Variants in ACOX3 observed in about 807,000 individuals in gnomAD.
The protein encoded by ACOX3 is acyl-CoA oxidase 3, pristanoyl, also known as peroxisomal acyl-coenzyme A oxidase 3.
In ACOX3, 73 loss-of-function variants were observed where a neutral mutation model predicts 81.5. The observed-to-expected ratio is 0.90, with a 90% CI of 0.74 to 1.09. The LOEUF (loss-of-function observed/expected upper bound fraction) is 1.09. Ranked by LOEUF, ACOX3 falls within the 50% of genes least tolerant of loss-of-function variation. The pLI is 0.00. For missense variants in ACOX3, 947 were observed against 928.0 expected, an observed-to-expected ratio of 1.02 and a Z score of -0.27; for synonymous variants, 387 against 375.1, an observed-to-expected ratio of 1.03 and a Z score of -0.37.
rs149218868 is a variant in ACOX3 at position 8,394,736 on chromosome 4, G to A, written c.1063C>T (p.Arg355Cys). The change falls in exon 10 of 18, where the codon CGC (arginine) becomes TGC (cysteine). Residue 355 changes from arginine to cysteine, a missense_variant. By Grantham distance (180) the Arg-to-Cys change is radical (BLOSUM62 -3). Coordinates refer to ENST00000356406, the MANE Select transcript of ACOX3 (RefSeq NM_003501.3). This position sits in a 1 kb window ranked among gnomAD's most constrained non-coding sequence, Gnocchi z 5.9. Reference sequence around the variant, plus strand: ...ACAGCTGCCAGATATGGAAGCAAGCGCCATTGCTAGAACAGACAAGACACC... The same window carrying A: ...ACAGCTGCCAGATATGGAAGCAAGCACCATTGCTAGAACAGACAAGACACC... ...PVLEYPMQQWRLLPYLAAVYA... is the reference protein window; with the variant it reads ...PVLEYPMQQWCLLPYLAAVYA... 1.7e-5 allele frequency: 27 copies of A among 1,612,862 alleles called. No individual in the cohort carries two copies. Among genetic ancestry groups the A allele is most frequent in the African/African-American group, 9.3e-5 (7 of 74,898 alleles).
At position 8,416,288 on chromosome 4, in the gene ACOX3, A is replaced by C; in HGVS notation, c.144+90T>G. On this transcript the variant is annotated intron_variant, in intron 2 of 17. Coordinates refer to ENST00000356406, the MANE Select transcript of ACOX3 (RefSeq NM_003501.3). This position sits in a 1 kb window ranked among gnomAD's most constrained non-coding sequence, Gnocchi z 4.2. ...TGGGATGAGCCTCGCCCGGCAGAGG[A>C]GGAGCTGTGAGAGCCAGAAATCCCA... 1 of 1,604,698 alleles carries C rather than the reference A, an allele frequency of 6.2e-7. No homozygotes were observed. The highest frequency in any genetic ancestry group is 8.5e-7 in the Non-Finnish European group (1 of 1,174,128).
At chr4:8,387,918 G>A (rs865846998) in intron 13 of ACOX3, among the ~76,000 whole-genome samples, 5 of 152,290 alleles carry the variant, frequency 3.3e-5, no homozygotes, top group Admixed American at 6.5e-5. Flanking sequence ...TGTCCCAGCC[G>A]CCTCTCACCT....
At chr4:8,429,823 TC>T (rs1233450855) in intron 1 of ACOX3, among the ~76,000 whole-genome samples, 1 of 151,896 alleles carries the variant, frequency 6.6e-6, no homozygotes, top group Non-Finnish European at 1.5e-5. Context: ...TCATCTGCAG[TC>T]CCAACTACTC....
At position 8,399,769 on chromosome 4, in the gene ACOX3, G is replaced by A; in HGVS notation, c.777-117C>T. 1 of 862,222 alleles carries A rather than the reference G, an allele frequency of 1.2e-6. No individual in the cohort carries two copies. The highest frequency in any genetic ancestry group is 1.7e-5 in the African/African-American group (1 of 59,080). 53.4% of individuals were successfully genotyped at this position (862,222 alleles called of 1,614,324 possible). On this transcript the variant is annotated intron_variant, in intron 7 of 17. Transcript: ENST00000356406. This position sits in a 1 kb window ranked among gnomAD's most constrained non-coding sequence, Gnocchi z 4.9. Reference sequence around the variant, plus strand: ...CCGAGGACAAAGAAAATGGCAGAGGGCAAGTAGACAGGAACATTCAACCAA... The same window carrying A: ...CCGAGGACAAAGAAAATGGCAGAGGACAAGTAGACAGGAACATTCAACCAA...
intron 14 of ACOX3, among the ~76,000 whole-genome samples, chr4:8,377,117 C>T (rs1031952426): frequency 6.6e-6 from 1 of 152,162 alleles, no homozygotes; most frequent in African/African-American, 2.4e-5. Context: ...CTGCCCACAC[C>T]CCAAAACGTG....
intron 13 of ACOX3, among the ~76,000 whole-genome samples, chr4:8,383,512 T>C (rs982566528): frequency 2.0e-5 from 3 of 152,156 alleles, no homozygotes. Context: ...GCTGGCATGA[T>C]GCACCCACAG....
At chr4:8,422,017 C>T (rs2688230) in intron 1 of ACOX3, among the ~76,000 whole-genome samples, 51,865 of 152,088 alleles carry the variant, frequency 0.34, 9,607 homozygotes, top group South Asian at 0.46. Flanking sequence ...AGGAAGAAAG[C>T]GAATTGAGTA....
intron 13 of ACOX3, among the ~76,000 whole-genome samples, chr4:8,387,883 G>A (rs1225013932): frequency 1.3e-5 from 2 of 152,214 alleles, no homozygotes; most frequent in Non-Finnish European, 2.9e-5. Context: ...CTTCTGTGTG[G>A]GGGCGCAGGG....
rs1301212167 is a variant in ACOX3, at chr4:8,399,302, G to A, written c.873+254C>T. On this transcript the variant is annotated intron_variant, in intron 8 of 17. Coordinates refer to ENST00000356406, the MANE Select transcript of ACOX3 (RefSeq NM_003501.3). This position sits in a 1 kb window ranked among gnomAD's most constrained non-coding sequence, Gnocchi z 4.9. ...ACTGGAAGCGAGCAGTCCTCTAATC[G>A]CAGCCCCCGATGGGGAGTGGGCATT... Among the ~76,000 whole-genome samples, 1 of 152,154 alleles carries A rather than the reference G, an allele frequency of 6.6e-6. No homozygotes were observed. Among genetic ancestry groups the A allele is most frequent in the Non-Finnish European group, 1.5e-5 (1 of 68,020 alleles).
In ACOX3 at chr4:8,389,882, A is replaced by C. The variant is rs1260634792; in HGVS notation, c.1301-148T>G. The C allele has an allele frequency of 3.8e-6, 4 of 1,041,646 alleles. No homozygotes were observed. The Admixed American group carries it at 6.9e-5, about 18-fold the overall frequency. 64.5% of individuals were successfully genotyped at this position (1,041,646 alleles called of 1,614,324 possible). The stretch of plus-strand genomic sequence containing the variant: ...CACTTTGGGGGGCCGAGGCGGGTGG[A>C]TCACTTGAAGCCAGGTGTTCAAGAC... On this transcript the variant is annotated intron_variant, in intron 11 of 17. Transcript: ENST00000356406. This position sits in a 1 kb window ranked among gnomAD's most constrained non-coding sequence, Gnocchi z 5.3.
intron 10 of ACOX3, among the ~76,000 whole-genome samples, chr4:8,393,897 C>T (rs1164849354): frequency 1.3e-5 from 2 of 152,352 alleles, no homozygotes; most frequent in East Asian, 3.9e-4. Flanking sequence ...GCGCTCCCTC[C>T]TCAGGCCTCC....
Position 8,400,994 on chromosome 4 carries a change from C to A in ACOX3, c.777-1342G>T, listed in dbSNP as rs920149192. ...GCTTGTTTTCCTGCAACTAGATGGTCCCATCTGGGGGTGATGGGAGGCAGT... is the reference window on the plus strand; with the variant it reads ...GCTTGTTTTCCTGCAACTAGATGGTACCATCTGGGGGTGATGGGAGGCAGT... On this transcript the variant is annotated intron_variant, in intron 7 of 17. Coordinates refer to ENST00000356406, the MANE Select transcript of ACOX3 (RefSeq NM_003501.3). This position sits in a 1 kb window ranked among gnomAD's most constrained non-coding sequence, Gnocchi z 4.4. Among the ~76,000 whole-genome samples, 2 of 151,860 alleles carry A rather than the reference C, an allele frequency of 1.3e-5. No individual in the cohort carries two copies. Among genetic ancestry groups the A allele is most frequent in the East Asian group, 3.9e-4 (2 of 5,194 alleles).
Position 8,371,784 on chromosome 4 carries a change from G to C in ACOX3, c.1897-790C>G, listed in dbSNP as rs549812180. Among the ~76,000 whole-genome samples the C allele has an allele frequency of 2.1e-3, 318 of 152,392 alleles. 1 individual carries two copies. The highest frequency in any genetic ancestry group is 3.4e-3 in the Middle Eastern group (1 of 294). On this transcript the variant is annotated intron_variant, in intron 16 of 17. Coordinates refer to ENST00000356406, the MANE Select transcript of ACOX3 (RefSeq NM_003501.3). ...CAAATGCCACTGCTCCCGGAGAGAA[G>C]CTCTCGGCAGAGCACAGGCGCTGAG...
At chr4:8,413,180 C>G (rs1721938253) in intron 5 of ACOX3, among the ~76,000 whole-genome samples, 1 of 141,142 alleles carries the variant, frequency 7.1e-6, no homozygotes, top group Non-Finnish European at 1.5e-5. Flanking sequence ...TGTGGCCCAT[C>G]TCCCTCCACC....
At chr4:8,357,579 T>C in the ACOX3 span, 131 of 273,760 alleles carry the variant, frequency 4.8e-4, no homozygotes, top group Admixed American at 8.6e-4. Context: ...TGAACATTTT[T>C]ATTCCAATTA....
Position 8,414,507 on chromosome 4 carries a change from C to T in ACOX3, c.454-126G>A. The T allele has an allele frequency of 1.1e-6, 1 of 888,072 alleles. No homozygotes were observed. The highest frequency in any genetic ancestry group is 1.5e-5 in the South Asian group (1 of 64,978). The allele number at this position is 888,072 out of a possible 1,614,324, so 55.0% of individuals were successfully genotyped here. A position where few individuals can be genotyped will look rare whatever the true frequency, so the allele number is the denominator to read the frequency against. Reference sequence around the variant, plus strand: ...TATCAAAGCCCCAAATTTCCATCTACCCAACTAGTGACTTGACTGAGTCAT... The same window carrying T: ...TATCAAAGCCCCAAATTTCCATCTATCCAACTAGTGACTTGACTGAGTCAT... On this transcript the variant is annotated intron_variant, in intron 4 of 17. Coordinates refer to ENST00000356406, the MANE Select transcript of ACOX3 (RefSeq NM_003501.3). This position sits in a 1 kb window ranked among gnomAD's most constrained non-coding sequence, Gnocchi z 6.1.
rs1355456219 is a variant in ACOX3, at chr4:8,407,882, G to T, written c.688-1839C>A. ...GTGCCACCTTCCCCTTCCCCACCAG[G>T]GGACACGGGTGGTGTCTGGAGAGAT... On this transcript the variant is annotated intron_variant, in intron 6 of 17. Coordinates refer to ENST00000356406, the MANE Select transcript of ACOX3 (RefSeq NM_003501.3). The surrounding 1 kb of genome is among the most constrained non-coding windows in gnomAD (Gnocchi z 4.6). Among the ~76,000 whole-genome samples, 1 of 152,202 alleles carries T rather than the reference G, an allele frequency of 6.6e-6. No individual in the cohort carries two copies. Among genetic ancestry groups the T allele is most frequent in the Non-Finnish European group, 1.5e-5 (1 of 68,036 alleles).
In ACOX3 at chr4:8,400,639, C is replaced by T. The variant is rs1047111330; in HGVS notation, c.777-987G>A. Among the ~76,000 whole-genome samples, 2 of 152,180 alleles carry T rather than the reference C, an allele frequency of 1.3e-5. No homozygotes were observed. Among genetic ancestry groups the T allele is most frequent in the Non-Finnish European group, 2.9e-5 (2 of 68,032 alleles). On this transcript the variant is annotated intron_variant, in intron 7 of 17. Transcript: ENST00000356406. This position sits in a 1 kb window ranked among gnomAD's most constrained non-coding sequence, Gnocchi z 4.4. ...TTACACAACAGTCTAGGGAATAAGG[C>T]TATGCTAGGTTAAGAATATTACATA...
intron 9 of ACOX3, among the ~76,000 whole-genome samples, chr4:8,395,182 C>T (rs949846699): frequency 9.1e-5 from 12 of 131,570 alleles, no homozygotes; most frequent in African/African-American, 1.4e-4. Flanking sequence ...GGCAGCCCCT[C>T]GAAAGGCTGA....
Sources: gnomAD v4.1 joint callset for allele counts (sites outside exome capture counted in the v4.1 genomes callset) on GRCh38, gnomAD v4.1.1 for gene constraint, Gnocchi (gnomAD v3.1) non-coding constraint, MANE v1.5 for transcripts, NCBI Gene and HGNC (gene_info 2026-07-23, HGNC 2026-07-21) for gene names.